DLG2: variants seen among roughly 807,000 people sequenced by gnomAD.
DLG2 encodes discs large MAGUK scaffold protein 2.
DLG2 carries 45 observed loss-of-function variants against 132.5 expected under a neutral mutation model. That is an observed-to-expected ratio of 0.34 (90% CI 0.27 to 0.44). The LOEUF is 0.44. Ranked by LOEUF, DLG2 falls within the 20% of genes least tolerant of loss-of-function variation. DLG2 has a pLI of 1.00. For synonymous variants in DLG2, 424 were observed against 419.6 expected, an observed-to-expected ratio of 1.01 and a Z score of -0.13; for missense variants, 1,045 against 1,196.9, an observed-to-expected ratio of 0.87 and a Z score of 1.87.
chr11:84,525,579 C>T (rs2099317917), intron 7 of DLG2, among the ~76,000 whole-genome samples: 1 of 152,180 alleles, frequency 6.6e-6, no homozygotes, highest in South Asian at 2.1e-4. Context: ...TCACCTGATG[C>T]TCTTGAATCT....
At chr11:84,554,959 T>A (rs530562377) in intron 6 of DLG2, among the ~76,000 whole-genome samples, 19 of 152,248 alleles carry the variant, frequency 1.2e-4, no homozygotes, top group African/African-American at 4.6e-4. Context: ...AGAATCTTTG[T>A]GTTGGAAAAG....
intron 6 of DLG2, among the ~76,000 whole-genome samples, chr11:84,734,201 G>T (rs1225633170): frequency 6.6e-6 from 1 of 152,082 alleles, no homozygotes; most frequent in Non-Finnish European, 1.5e-5. Flanking sequence ...TGATGGGGAT[G>T]GCATTCAATC....
intron 6 of DLG2, among the ~76,000 whole-genome samples, chr11:84,573,114 G>T (rs1480253510): frequency 6.6e-6 from 1 of 152,078 alleles, no homozygotes; most frequent in Non-Finnish European, 1.5e-5. Flanking sequence ...TTTTTAGTGG[G>T]TAGCAATAGA....
chr11:85,271,634 C>A (rs1474711395), intron 4 of DLG2, among the ~76,000 whole-genome samples: 1 of 152,212 alleles, frequency 6.6e-6, no homozygotes, highest in Non-Finnish European at 1.5e-5. Context: ...CCATGGGGAC[C>A]CAGCTCTTGC....
chr11:84,214,963 C>A (rs1475457876), intron 8 of DLG2, among the ~76,000 whole-genome samples: 4 of 152,090 alleles, frequency 2.6e-5, no homozygotes, highest in African/African-American at 4.8e-5. Flanking sequence ...TTAAAGATTG[C>A]AAAGAACTGT....
Position 85,538,072 on chromosome 11 carries a change from C to T in DLG2, c.40+60585G>A, listed in dbSNP as rs564117206. Among the ~76,000 whole-genome samples, 6 of 151,930 alleles carry T rather than the reference C, an allele frequency of 3.9e-5. 1 individual carries two copies. In the East Asian group the frequency reaches 5.8e-4, roughly 15 times the overall value. On this transcript the variant is annotated intron_variant, in intron 3 of 27. Coordinates refer to ENST00000376104, the MANE Select transcript of DLG2 (RefSeq NM_001142699.3). Reference sequence around the variant, plus strand: ...TGGAGCTTCCAGTGAGCCGAGATCGCGCCACTGCACTCCAGCCTGGGTGAC... The same window carrying T: ...TGGAGCTTCCAGTGAGCCGAGATCGTGCCACTGCACTCCAGCCTGGGTGAC...
intron 8 of DLG2, among the ~76,000 whole-genome samples, chr11:84,173,672 T>A (rs2095873151): frequency 6.6e-6 from 1 of 152,144 alleles, no homozygotes; most frequent in Admixed American, 6.6e-5. Flanking sequence ...CTTCATCCCC[T>A]CTCTCTCCTC....
intron 6 of DLG2, among the ~76,000 whole-genome samples, chr11:85,074,367 A>G (rs2066254390): frequency 1.3e-5 from 2 of 151,846 alleles, no homozygotes; most frequent in Admixed American, 6.6e-5. Context: ...CTTTTTTGCC[A>G]GTGAATCAGC....
At chr11:83,512,058 CA>C (rs1214187241) in intron 21 of DLG2, among the ~76,000 whole-genome samples, 1 of 152,108 alleles carries the variant, frequency 6.6e-6, no homozygotes, top group African/African-American at 2.4e-5. Context: ...CGGAGGGAGC[CA>C]GGGGAAGCTG....
At chr11:84,590,591 G>A (rs1435251976) in intron 6 of DLG2, among the ~76,000 whole-genome samples, 1 of 151,988 alleles carries the variant, frequency 6.6e-6, no homozygotes, top group African/African-American at 2.4e-5. Context: ...ATGGCTCGTA[G>A]GGGAAAATAG....
At chr11:83,821,468 G>T (rs890760788) in intron 17 of DLG2, among the ~76,000 whole-genome samples, 1 of 152,160 alleles carries the variant, frequency 6.6e-6, no homozygotes, top group African/African-American at 2.4e-5. Context: ...AGAAGAATAA[G>T]TCATAGTAGT....
intron 11 of DLG2, among the ~76,000 whole-genome samples, chr11:84,015,069 T>C (rs2095101853): frequency 6.6e-6 from 1 of 152,168 alleles, no homozygotes; most frequent in African/African-American, 2.4e-5. Context: ...TAGAATAGCA[T>C]TCATTATTGG....
At chr11:84,624,649 G>A (rs1316897882) in intron 6 of DLG2, among the ~76,000 whole-genome samples, 1 of 150,926 alleles carries the variant, frequency 6.6e-6, no homozygotes, top group African/African-American at 2.4e-5. Flanking sequence ...CAGAAACTAG[G>A]GACTAAAGAT....
chr11:84,338,638 C>T (rs1196379616), intron 7 of DLG2, among the ~76,000 whole-genome samples: 1 of 152,000 alleles, frequency 6.6e-6, no homozygotes, highest in Admixed American at 6.6e-5. Context: ...ACCTGGCTAA[C>T]ATGCTGAAAT....
At chr11:83,667,541 C>T (rs572961369) in intron 18 of DLG2, among the ~76,000 whole-genome samples, 7 of 152,308 alleles carry the variant, frequency 4.6e-5, no homozygotes, top group South Asian at 4.1e-4. Flanking sequence ...GGTCTCAGCA[C>T]GGTAGTTGGT....
chr11:84,534,275 G>T (rs982552509), intron 7 of DLG2, among the ~76,000 whole-genome samples: 1 of 152,050 alleles, frequency 6.6e-6, no homozygotes, highest in Non-Finnish European at 1.5e-5. Context: ...ATGTACTTGG[G>T]GTTTAAAAAT....
chr11:83,740,939 T>A (rs181124086), intron 18 of DLG2, among the ~76,000 whole-genome samples: 10 of 152,178 alleles, frequency 6.6e-5, no homozygotes, highest in Admixed American at 5.9e-4. Context: ...TAGCAGAACA[T>A]CAAAAAGTTA....
intron 6 of DLG2, among the ~76,000 whole-genome samples, chr11:84,736,979 TATG>T: frequency 6.6e-6 from 1 of 152,136 alleles, no homozygotes; most frequent in Non-Finnish European, 1.5e-5. Context: ...AATGATTAAA[TATG>T]ATGTTAGCTA....
rs539226698 is a variant in DLG2, at chr11:85,627,306, C to T, written c.-348G>A. 1 of 152,238 alleles carries T rather than the reference C, an allele frequency of 6.6e-6. No individual in the cohort carries two copies. Among genetic ancestry groups the T allele is most frequent in the African/African-American group, 2.4e-5 (1 of 41,514 alleles). 9.4% of individuals were successfully genotyped at this position (152,238 alleles called of 1,614,324 possible). ...CCCCCAGGCTTGATCCTTAATGCCC[C>T]TCTGATTCTGATCCTCCCATGTATT... On this transcript the variant is annotated 5_prime_UTR_variant, in exon 1 of 28. Transcript: ENST00000376104.
Sources: allele counts gnomAD v4.1 joint callset (sites outside exome capture counted in the v4.1 genomes callset), GRCh38; gene constraint gnomAD v4.1.1; transcripts MANE v1.5; gene names NCBI Gene and HGNC (gene_info 2026-07-23, HGNC 2026-07-21).